Variants in TNRC18 observed in about 807,000 individuals in gnomAD.
TNRC18 encodes trinucleotide repeat-containing gene 18 protein.
A neutral mutation model predicts 226.7 loss-of-function variants in TNRC18; 69 were observed. The observed-to-expected ratio is 0.30, with a 90% CI of 0.25 to 0.37. TNRC18 has a LOEUF of 0.37. TNRC18 is among the 10% of genes least tolerant of loss of function. The pLI, the probability that TNRC18 is intolerant of heterozygous loss-of-function variation, is 1.00. For synonymous variants in TNRC18, 2,449 were observed against 1,927.6 expected, an observed-to-expected ratio of 1.27 and a Z score of -7.09; for missense variants, 4,754 against 4,256.6, an observed-to-expected ratio of 1.12 and a Z score of -3.25.
In TNRC18 at chr7:5,340,667, C is replaced by T. The variant is rs547121892; in HGVS notation, c.5719+4895G>A. Among the ~76,000 whole-genome samples the T allele has an allele frequency of 4.0e-5, 6 of 151,322 alleles. No homozygotes were observed. In the East Asian group the frequency reaches 9.7e-4, roughly 25 times the overall value. On this transcript the variant is annotated intron_variant, in intron 18 of 29. Coordinates refer to ENST00000430969, the MANE Select transcript of TNRC18 (RefSeq NM_001080495.3). ...CTGAGGCAGGAGAATCACTTGAACC[C>T]GGGAGGCAGAGGTTGCAGTGAGCTG... is the stretch of plus-strand genomic sequence containing the variant.
intron 8 of TNRC18, among the ~76,000 whole-genome samples, chr7:5,376,595 G>A (rs147140473): frequency 3.8e-4 from 58 of 152,284 alleles, no homozygotes; most frequent in African/African-American, 1.4e-3. Context: ...GCCAGGTAAG[G>A]GGAATCCCAG....
intron 10 of TNRC18, among the ~76,000 whole-genome samples, chr7:5,372,781 G>A (rs372528442): frequency 9.9e-5 from 15 of 152,194 alleles, no homozygotes; most frequent in Admixed American, 5.9e-4. Context: ...CCAGCAGTTC[G>A]GGAGGCCAGG....
chr7:5,359,180 C>T (rs986421215), intron 15 of TNRC18, among the ~76,000 whole-genome samples: 4 of 152,184 alleles, frequency 2.6e-5, no homozygotes, highest in Non-Finnish European at 5.9e-5. Flanking sequence ...GTCTCTGAGG[C>T]TGTGTTACGT....
chr7:5,416,271 C>T (rs998141689), intron 2 of TNRC18, among the ~76,000 whole-genome samples: 10 of 151,772 alleles, frequency 6.6e-5, no homozygotes, highest in Non-Finnish European at 1.2e-4. Context: ...AAAAATTAGC[C>T]GGACATGGTG....
chr7:5,420,993 G>A (rs1247476637), intron 2 of TNRC18, 67 bp downstream of exon 2: 3 of 1,538,246 alleles, frequency 2.0e-6, no homozygotes, highest in South Asian at 2.4e-5. Context: ...CGAGTGCACA[G>A]GAGGACCCGG....
At chr7:5,343,790 T>C (rs1020463656) in intron 18 of TNRC18, among the ~76,000 whole-genome samples, 8 of 152,206 alleles carry the variant, frequency 5.3e-5, no homozygotes. Flanking sequence ...ACTGCACACT[T>C]AATAGGCAAC....
chr7:5,420,738 A>G (rs867793496), intron 2 of TNRC18: 2 of 584,844 alleles, frequency 3.4e-6, no homozygotes, highest in East Asian at 3.7e-5. Flanking sequence ...TTTCTCGCCC[A>G]GATTTTGAAA....
At position 5,421,036 on chromosome 7, in the gene TNRC18, A is replaced by G. The variant is rs774099707; in HGVS notation, c.187+24T>C. The G allele has an allele frequency of 2.9e-5, 44 of 1,533,964 alleles. No individual in the cohort carries two copies. In the Admixed American group the frequency reaches 8.7e-4, roughly 30 times the overall value. On this transcript the variant is annotated intron_variant, in intron 2 of 29. Coordinates refer to ENST00000430969, the MANE Select transcript of TNRC18 (RefSeq NM_001080495.3). The stretch of plus-strand genomic sequence containing the variant: ...GATCTCCCTGGGAAGACAGGAGGGG[A>G]CGGGCACGGCGCGGGGCACTTACCC...
rs202187831 is a variant in TNRC18, at chr7:5,308,229, C to G, written c.8784G>C (p.Gln2928His). The change falls in exon 30 of 30, where the codon CAG becomes CAC. Residue 2928 changes from glutamine to histidine, a missense_variant. Coordinates refer to ENST00000430969, the MANE Select transcript of TNRC18 (RefSeq NM_001080495.3). Reference protein sequence around the residue: ...SHKCLVVGLEQYEQMLKTKKY... With the variant: ...SHKCLVVGLEHYEQMLKTKKY... ...TCTTGGTCTTCAGCATCTGCTCATACTGCTCCAGGCCCACCACCAGGCACT... is the reference window on the plus strand; with the variant it reads ...TCTTGGTCTTCAGCATCTGCTCATAGTGCTCCAGGCCCACCACCAGGCACT... 3.1e-6 allele frequency: 5 copies of G among 1,612,530 alleles called. No individual in the cohort carries two copies. Among genetic ancestry groups the G allele is most frequent in the Admixed American group, 1.7e-5 (1 of 59,908 alleles).
chr7:5,372,889 T>TTACA (rs1467977336), intron 10 of TNRC18, among the ~76,000 whole-genome samples: 4 of 152,100 alleles, frequency 2.6e-5, no homozygotes, highest in African/African-American at 9.7e-5. Flanking sequence ...CCAGACATGG[T>TTACA]GGCTCACGCC....
At chr7:5,420,769 C>T in intron 2 of TNRC18, 1 of 644,206 alleles carries the variant, frequency 1.6e-6, no homozygotes, top group South Asian at 1.5e-5. Flanking sequence ...AGGCTCGTGC[C>T]GCCGGGGCCC....
chr7:5,339,761 G>C (rs1222737984), intron 18 of TNRC18, among the ~76,000 whole-genome samples: 7 of 151,198 alleles, frequency 4.6e-5, no homozygotes, highest in Non-Finnish European at 8.8e-5. Context: ...GTAGAGATGG[G>C]GTTTCATCGT....
chr7:5,420,926 G>A (rs1782538231), intron 2 of TNRC18, 134 bp downstream of exon 2: 2 of 1,120,168 alleles, frequency 1.8e-6, no homozygotes, highest in South Asian at 1.3e-5. Context: ...AGCCCTGGGA[G>A]CCGAGTCTGC....
At chr7:5,342,084 G>A (rs1790740088) in intron 18 of TNRC18, among the ~76,000 whole-genome samples, 1 of 152,190 alleles carries the variant, frequency 6.6e-6, no homozygotes, top group Admixed American at 6.5e-5. Context: ...CACGGATGAT[G>A]ATTCCTCTGA....
intron 14 of TNRC18, among the ~76,000 whole-genome samples, chr7:5,360,787 A>AATGTTAAATGCAAGAC (rs1159664582): frequency 1.3e-5 from 2 of 152,028 alleles, no homozygotes. Flanking sequence ...AACATCCAAG[A>AATGTTAAATGCAAGAC]ATGTTAAATG....
chr7:5,332,203 G>T (rs1208272924), intron 19 of TNRC18, among the ~76,000 whole-genome samples: 1 of 152,130 alleles, frequency 6.6e-6, no homozygotes, highest in African/African-American at 2.4e-5. Context: ...TTGGGAGGTT[G>T]GGGCAGAAGA....
chr7:5,419,131 G>A (rs938140013), intron 2 of TNRC18, among the ~76,000 whole-genome samples: 1 of 152,246 alleles, frequency 6.6e-6, no homozygotes, highest in African/African-American at 2.4e-5. Context: ...GGGCTTCCGA[G>A]GCTGGTGGCT....
Position 5,388,010 on chromosome 7 carries a change from C to T in TNRC18, c.1814G>A (p.Gly605Asp). The T allele has an allele frequency of 6.3e-7, 1 of 1,580,276 alleles. No individual in the cohort carries two copies. The highest frequency in any genetic ancestry group is 1.8e-5 in the Admixed American group (1 of 54,896). The change falls in exon 5 of 30, where the codon GGT (glycine) becomes GAT (aspartate). Residue 605 changes from glycine to aspartate, a missense_variant. Transcript: ENST00000430969. Reference protein sequence around the residue: ...FARDAVAVRPGGCGKKSPFGG... With the variant: ...FARDAVAVRPDGCGKKSPFGG... ...AAAGGGGCTCTTCTTGCCACAGCCA[C>T]CAGGGCGCACGGCCACGGCGTCCCG...
At chr7:5,351,341 G>A (rs552780020) in intron 17 of TNRC18, among the ~76,000 whole-genome samples, 11 of 152,204 alleles carry the variant, frequency 7.2e-5, no homozygotes, top group Non-Finnish European at 1.3e-4. Context: ...TACCAAAATC[G>A]CGGTACAAAC....
Sources: gnomAD v4.1 joint callset for allele counts (sites outside exome capture counted in the v4.1 genomes callset) on GRCh38, gnomAD v4.1.1 for gene constraint, MANE v1.5 for transcripts, NCBI Gene and HGNC (gene_info 2026-07-23, HGNC 2026-07-21) for gene names.